PCDHGA5: variants seen among roughly 807,000 people sequenced by gnomAD.
PCDHGA5 encodes the protein protocadherin gamma subfamily A, 5.
In PCDHGA5, 36 loss-of-function variants were observed where a neutral mutation model predicts 56.7. That is an observed-to-expected ratio of 0.64 (90% confidence interval 0.49 to 0.84). PCDHGA5 has a LOEUF of 0.84. Among genes scored for constraint, PCDHGA5 ranks in the 40% least tolerant of loss-of-function variants. The probability of loss-of-function intolerance (pLI) is 0.00; values close to 1 mark genes in which losing one functional copy is unlikely to be tolerated. For missense variants in PCDHGA5, 1,305 were observed against 1,201.5 expected (o/e 1.09, Z -1.27); for synonymous variants, 563 against 520.2 (o/e 1.08, Z -1.12).
At chr5:141,399,592 G>A (rs1385029299) in intron 1 of PCDHGA5, 4 of 1,613,880 alleles carry the variant, frequency 2.5e-6, no homozygotes, top group Non-Finnish European at 3.4e-6. Flanking sequence ...CTCTATCATG[G>A]CCAGCGACCT....
chr5:141,426,104 A>T (rs2096915289), intron 1 of PCDHGA5, among the ~76,000 whole-genome samples: 1 of 152,258 alleles, frequency 6.6e-6, no homozygotes, highest in Non-Finnish European at 1.5e-5. Flanking sequence ...GTTCAGTCAC[A>T]GAAGCAAGTC....
At position 141,365,186 on chromosome 5, in the gene PCDHGA5, G is replaced by A. The variant is rs775485996; in HGVS notation, c.856G>A (p.Glu286Lys). ...GACCTACTCTTTTCGCAATGAAGAA[G>A]AAAAAATTTCGGAGACTTTCCAACT... Reference protein sequence around the residue: ...KLTYSFRNEEEKISETFQLDS... With the variant: ...KLTYSFRNEEKKISETFQLDS... The change falls in exon 1 of 4, where the codon GAA (glutamate) becomes AAA (lysine). Residue 286 changes from glutamate (E) to lysine (K), a missense_variant. Physicochemically the swap from Glu to Lys is moderately conservative, Grantham distance 56. Transcript: ENST00000518069. 8.1e-6 allele frequency: 13 copies of A among 1,613,880 alleles called. 1 individual carries two copies. In the South Asian group the frequency reaches 1.1e-4, roughly 14 times the overall value.
At chr5:141,435,026 C>T (rs977017371) in intron 1 of PCDHGA5, among the ~76,000 whole-genome samples, 1 of 151,978 alleles carries the variant, frequency 6.6e-6, no homozygotes, top group Non-Finnish European at 1.5e-5. Flanking sequence ...GCTCTTTTCC[C>T]ACTTTTATTT....
chr5:141,378,118 C>T (rs1196603036), intron 1 of PCDHGA5: 3 of 152,190 alleles, frequency 2.0e-5, no homozygotes, highest in Non-Finnish European at 4.4e-5. Context: ...ATAGTGAACA[C>T]GTATTTGTTG....
intron 1 of PCDHGA5, chr5:141,413,770 G>A: frequency 6.2e-7 from 1 of 1,612,708 alleles, no homozygotes; most frequent in Non-Finnish European, 8.5e-7. Context: ...CCCGGAGCTG[G>A]TACTGGAGCA....
Position 141,365,650 on chromosome 5 carries a change from G to T in PCDHGA5, c.1320G>T (p.Leu440Phe). 1 of 1,613,414 alleles carries T rather than the reference G, an allele frequency of 6.2e-7. No individual in the cohort carries two copies. Among genetic ancestry groups the T allele is most frequent in the South Asian group, 1.1e-5 (1 of 91,036 alleles). The stretch of plus-strand genomic sequence containing the variant: ...TCTCTACAGAAAGCCACATCCCCTT[G>T]AAAGTAGCAGACGTTAATGACAACC... ...PPLSTESHIPLKVADVNDNPP... is the reference protein window; with the variant it reads ...PPLSTESHIPFKVADVNDNPP... The change falls in exon 1 of 4, where the codon TTG becomes TTT. Residue 440 changes from leucine to phenylalanine, a missense_variant. By Grantham distance (22) the Leu-to-Phe change is conservative. Coordinates refer to ENST00000518069, the MANE Select transcript of PCDHGA5 (RefSeq NM_018918.3).
chr5:141,475,384 A>T (rs2099362853), intron 1 of PCDHGA5, among the ~76,000 whole-genome samples: 1 of 152,370 alleles, frequency 6.6e-6, no homozygotes, highest in East Asian at 1.9e-4. Flanking sequence ...TTTAAATTTT[A>T]TAAGCCAGAG....
chr5:141,408,769 C>A (rs754783489), intron 1 of PCDHGA5: 3 of 1,611,166 alleles, frequency 1.9e-6, no homozygotes, highest in South Asian at 1.1e-5. Flanking sequence ...CCGATGGTGG[C>A]AAATACCCAG....
intron 1 of PCDHGA5, among the ~76,000 whole-genome samples, chr5:141,420,650 A>G (rs2096512866): frequency 6.6e-6 from 1 of 152,244 alleles, no homozygotes; most frequent in Non-Finnish European, 1.5e-5. Context: ...TGTAAGAATT[A>G]TAGTTAGGCA....
chr5:141,408,316 G>T (rs1407149479), intron 1 of PCDHGA5: 2 of 1,613,750 alleles, frequency 1.2e-6, no homozygotes, highest in African/African-American at 1.3e-5. Flanking sequence ...ACTCGATTCC[G>T]GAGGAGCTGG....
In PCDHGA5 at chr5:141,431,059, C is replaced by G. The variant is rs367774626; in HGVS notation, c.2422-63748C>G. ...GGGAGGAGCTCTGTATGGGGGCCAT[C>G]AAGTGTCAATTAAATCTAGACATTC... On this transcript the variant is annotated intron_variant, in intron 1 of 3. Coordinates refer to ENST00000518069, the MANE Select transcript of PCDHGA5 (RefSeq NM_018918.3). This position sits in a 1 kb window ranked among gnomAD's most constrained non-coding sequence, Gnocchi z 4.8. 1 of 1,614,136 alleles carries G rather than the reference C, an allele frequency of 6.2e-7. No individual in the cohort carries two copies.
rs1184232947 is a variant in PCDHGA5 at position 141,487,060 on chromosome 5, G to T, written c.2422-7747G>T. ...TCTCTCGATATGCTGGGGAGGTGCG[G>T]ACGGCTGTTCCTATCCCAGCTGACC... On this transcript the variant is annotated intron_variant, in intron 1 of 3. Transcript: ENST00000518069. This position sits in a 1 kb window ranked among gnomAD's most constrained non-coding sequence, Gnocchi z 5.0. The T allele has an allele frequency of 1.9e-6, 3 of 1,614,182 alleles. No individual in the cohort carries two copies. In the East Asian group the frequency reaches 6.7e-5, roughly 36 times the overall value.
Position 141,364,692 on chromosome 5 carries a change from T to G in PCDHGA5, c.362T>G (p.Val121Gly), listed in dbSNP as rs1763485100. The change falls in exon 1 of 4, where the codon GTA becomes GGA. Residue 121 changes from valine to glycine, a missense_variant. Physicochemically the swap from Val to Gly is moderately radical, Grantham distance 109. Transcript: ENST00000518069. ...ENKMKIYGVE[V>G]EIIDINDNFP... ...AAAATGAAAATTTATGGAGTAGAAGTAGAAATAATCGATATTAATGATAAC... is the reference window on the plus strand; with the variant it reads ...AAAATGAAAATTTATGGAGTAGAAGGAGAAATAATCGATATTAATGATAAC... The G allele has an allele frequency of 2.5e-6, 4 of 1,613,922 alleles. No individual in the cohort carries two copies. In the East Asian group the frequency reaches 8.9e-5, roughly 36 times the overall value.
intron 1 of PCDHGA5, among the ~76,000 whole-genome samples, chr5:141,368,623 C>A (rs1765768097): frequency 6.6e-6 from 1 of 152,060 alleles, no homozygotes; most frequent in Non-Finnish European, 1.5e-5. Flanking sequence ...GGGTACATTT[C>A]TTCTGAGTTA....
intron 1 of PCDHGA5, chr5:141,471,515 T>C (rs931181988): frequency 2.6e-5 from 4 of 152,276 alleles, no homozygotes; most frequent in African/African-American, 9.6e-5. Context: ...GGAGTAAAAA[T>C]AACAGCGAGG....
intron 1 of PCDHGA5, chr5:141,427,988 T>C (rs555561265): frequency 6.3e-7 from 1 of 1,598,504 alleles, no homozygotes; most frequent in South Asian, 1.1e-5. Context: ...TGGGGCCCGA[T>C]GGCTCCGCAC....
chr5:141,382,072 G>A (rs901840757), intron 1 of PCDHGA5, among the ~76,000 whole-genome samples: 2 of 151,786 alleles, frequency 1.3e-5, no homozygotes, highest in African/African-American at 4.8e-5. Context: ...CAGGTGATCC[G>A]CCCGCCTCGG....
Position 141,375,991 on chromosome 5 carries a change from C to A in PCDHGA5, c.2421+9240C>A, listed in dbSNP as rs770239249. 2 of 1,613,448 alleles carry A rather than the reference C, an allele frequency of 1.2e-6. No homozygotes were observed. The highest frequency in any genetic ancestry group is 2.7e-5 in the African/African-American group (2 of 75,068). On this transcript the variant is annotated intron_variant, in intron 1 of 3. Transcript: ENST00000518069. ...CGGCGCGCGCCCTGCTGGACAGAGA[C>A]GCGCTCAAGCAGAGCCTAGTGGTGG...
At chr5:141,469,259 A>G (rs1263722797) in intron 1 of PCDHGA5, among the ~76,000 whole-genome samples, 1 of 151,822 alleles carries the variant, frequency 6.6e-6, no homozygotes, top group Admixed American at 6.6e-5. Flanking sequence ...CTTGGGCAAC[A>G]GAGCAAGACC....
Sources: allele counts gnomAD v4.1 joint callset (sites outside exome capture counted in the v4.1 genomes callset), GRCh38; gene constraint gnomAD v4.1.1; non-coding constraint Gnocchi (gnomAD v3.1); transcripts MANE v1.5; gene names NCBI Gene and HGNC (gene_info 2026-07-23, HGNC 2026-07-21).